The following MTO1 variants were observed in gnomAD, a reference collection of about 807,000 sequenced individuals.
MTO1 encodes 5-taurinomethyluridine-[tRNA] synthase subunit MTO1, mitochondrial.
MTO1 carries 46 observed loss-of-function variants against 71.6 expected under a neutral mutation model. The observed-to-expected ratio is 0.64, with a 90% CI of 0.51 to 0.82. The LOEUF is 0.82. Among genes scored for constraint, MTO1 ranks in the 40% least tolerant of loss-of-function variants. MTO1 has a pLI of 0.00. For synonymous variants in MTO1, 297 were observed against 312.1 expected (o/e 0.95, Z 0.51); for missense variants, 773 against 867.5 (o/e 0.89, Z 1.37).
intron 6 of MTO1, chr6:73,480,359 C>G (rs1213501829): frequency 1.5e-6 from 1 of 675,260 alleles, no homozygotes; most frequent in South Asian, 1.5e-5. Flanking sequence ...CACAACCTCC[C>G]CCTGCCAGGT....
chr6:73,481,880 A>G, intron 7 of MTO1, 160 bp from the exon 8 acceptor site: 2 of 692,170 alleles, frequency 2.9e-6, no homozygotes, highest in South Asian at 1.8e-5. Context: ...CCCATATTCT[A>G]TTTCTGAATA....
intron 3 of MTO1, among the ~76,000 whole-genome samples, chr6:73,472,229 ACTTTCTAT>A (rs983754833): frequency 3.3e-5 from 5 of 152,082 alleles, no homozygotes; most frequent in Admixed American, 2.0e-4. Context: ...TCTTCCAAAC[ACTTTCTAT>A]CTTTCAAAAA....
chr6:73,503,736 A>T lies in MTO1; in HGVS notation c.*3001A>T, dbSNP rs1772219046. ...CAGGAACACCAAAAAATAAGAAATG[A>T]CTAAGAAACACTAAGCATTTGTAAA... On this transcript the variant is annotated 3_prime_UTR_variant, in exon 12 of 12. Transcript: ENST00000498286. 1 of 152,208 alleles carries T rather than the reference A, an allele frequency of 6.6e-6. No homozygotes were observed. The highest frequency in any genetic ancestry group is 2.1e-4 in the South Asian group (1 of 4,830). The allele number at this position is 152,208 out of a possible 1,614,324, so 9.4% of individuals were successfully genotyped here. A position where few individuals can be genotyped will look rare whatever the true frequency, so the allele number is the denominator to read the frequency against.
intron 10 of MTO1, 111 bp from the exon 11 acceptor site, chr6:73,497,625 T>G: frequency 3.5e-5 from 38 of 1,074,444 alleles, no homozygotes; most frequent in East Asian, 4.9e-5. Context: ...GAGTGTTGAA[T>G]GAGATGATGT....
intron 9 of MTO1, among the ~76,000 whole-genome samples, chr6:73,491,532 G>A (rs1204724099): frequency 6.6e-6 from 1 of 152,158 alleles, no homozygotes; most frequent in Non-Finnish European, 1.5e-5. Context: ...GTAAAAGAAA[G>A]CAGGAGATCA....
In MTO1 at chr6:73,508,677, C is replaced by T. The variant is rs917836093; in HGVS notation, c.*7942C>T. ...ATGAGAAATTGAGTTCTAAGAAATG[C>T]ATCCCTAACTTCAACATAAAGATAG... On this transcript the variant is annotated 3_prime_UTR_variant, in exon 12 of 12. Transcript: ENST00000498286. The T allele has an allele frequency of 1.3e-5, 2 of 152,152 alleles. No individual in the cohort carries two copies. The highest frequency in any genetic ancestry group is 4.8e-5 in the African/African-American group (2 of 41,440). The allele number at this position is 152,152 out of a possible 1,614,324, so 9.4% of individuals were successfully genotyped here.
rs770758228 is a variant in MTO1, at chr6:73,466,296, G to A, written c.305G>A (p.Arg102His). The A allele has an allele frequency of 5.0e-6, 8 of 1,614,090 alleles. No individual in the cohort carries two copies. Among genetic ancestry groups the A allele is most frequent in the East Asian group, 2.2e-5 (1 of 44,882 alleles). The change falls in exon 2 of 12, where the codon CGC (arginine) becomes CAC (histidine). Residue 102 changes from arginine to histidine, a missense_variant. Arg to His is a conservative substitution (Grantham distance 29). Transcript: ENST00000498286. ...EVDALDGLCSRICDQSGVHYK... is the reference protein window; with the variant it reads ...EVDALDGLCSHICDQSGVHYK... ...GATGCCTTGGATGGCCTGTGTTCTC[G>A]CATCTGTGACCAGTCTGGTGTACAT... is the stretch of plus-strand genomic sequence containing the variant.
Position 73,479,777 on chromosome 6 carries a change from G to A in MTO1, c.871G>A (p.Val291Met). Reference protein sequence around the residue: ...PCYLTHTNPRVDEIVLKNLHL... With the variant: ...PCYLTHTNPRMDEIVLKNLHL... ...TTACTTGACTCACACCAACCCTAGA[G>A]TGGATGAGATTGTCCTTAAGAACCT... is the stretch of plus-strand genomic sequence containing the variant. The change falls in exon 5 of 12, where the codon GTG becomes ATG. Residue 291 changes from valine (V) to methionine (M), a missense_variant. Coordinates refer to ENST00000498286, the MANE Select transcript of MTO1 (RefSeq NM_012123.4). The A allele has an allele frequency of 6.2e-7, 1 of 1,614,008 alleles. No individual in the cohort carries two copies. Among genetic ancestry groups the A allele is most frequent in the Non-Finnish European group, 8.5e-7 (1 of 1,180,002 alleles).
At chr6:73,498,621 T>C (rs1473685600) in intron 11 of MTO1, among the ~76,000 whole-genome samples, 1 of 152,102 alleles carries the variant, frequency 6.6e-6, no homozygotes, top group African/African-American at 2.4e-5. Flanking sequence ...TTTAATTTAC[T>C]ATATAGTAAT....
intron 9 of MTO1, among the ~76,000 whole-genome samples, chr6:73,491,139 A>G (rs1771790548): frequency 6.6e-6 from 1 of 152,144 alleles, no homozygotes; most frequent in African/African-American, 2.4e-5. Flanking sequence ...TCCTCTCCCA[A>G]GGAAAGGTAA....
At chr6:73,480,295 G>A (rs770256608) in intron 6 of MTO1, 169 bp downstream of exon 6, 11 of 818,804 alleles carry the variant, frequency 1.3e-5, no homozygotes, top group Admixed American at 1.0e-4. Context: ...GTTTTGAGAC[G>A]GAGTTTTGCT....
intron 1 of MTO1, among the ~76,000 whole-genome samples, chr6:73,462,785 T>C (rs1770865344): frequency 6.6e-6 from 1 of 152,144 alleles, no homozygotes; most frequent in Admixed American, 6.6e-5. Context: ...TTCTTGTGTT[T>C]TTATTTAAAA....
intron 9 of MTO1, chr6:73,486,802 G>A (rs916452698): frequency 6.3e-5 from 11 of 174,936 alleles, no homozygotes; most frequent in Non-Finnish European, 1.4e-4. Context: ...GTAACATAAT[G>A]TCCTCACGAC....
rs1010575928 is a variant in MTO1, at chr6:73,503,582, A to G, written c.*2847A>G. On this transcript the variant is annotated 3_prime_UTR_variant, in exon 12 of 12. Coordinates refer to ENST00000498286, the MANE Select transcript of MTO1 (RefSeq NM_012123.4). ...TAACCTTACTCAATGTAGTTACTTCATAGAAATCCCATCACTGACAATAAT... is the reference window on the plus strand; with the variant it reads ...TAACCTTACTCAATGTAGTTACTTCGTAGAAATCCCATCACTGACAATAAT... 2 of 152,266 alleles carry G rather than the reference A, an allele frequency of 1.3e-5. No homozygotes were observed. Among genetic ancestry groups the G allele is most frequent in the Non-Finnish European group, 2.9e-5 (2 of 68,060 alleles). The allele number at this position is 152,266 out of a possible 1,614,324, so 9.4% of individuals were successfully genotyped here. A position where few individuals can be genotyped will look rare whatever the true frequency, so the allele number is the denominator to read the frequency against.
chr6:73,463,435 G>A (rs1582667847), intron 1 of MTO1, among the ~76,000 whole-genome samples: 1 of 152,078 alleles, frequency 6.6e-6, no homozygotes, highest in African/African-American at 2.4e-5. Flanking sequence ...ATGGTTGGAT[G>A]GCCGTTCTGT....
At position 73,473,602 on chromosome 6, in the gene MTO1, C is replaced by T. The variant is rs868497455; in HGVS notation, c.773C>T (p.Pro258Leu). Reference sequence around the variant, plus strand: ...TTCAGTATTCTAAACAAGCATATACCGGACAATCCATCCATACCATTCAGC... The same window carrying T: ...TTCAGTATTCTAAACAAGCATATACTGGACAATCCATCCATACCATTCAGC... ...INFSILNKHIPDNPSIPFSFT... is the reference protein window; with the variant it reads ...INFSILNKHILDNPSIPFSFT... The change falls in exon 4 of 12, where the codon CCG becomes CTG. Residue 258 changes from proline to leucine, a missense_variant. Pro to Leu is a moderately conservative substitution (Grantham distance 98). Transcript: ENST00000498286. The T allele has an allele frequency of 5.0e-6, 8 of 1,613,854 alleles. No individual in the cohort carries two copies. The highest frequency in any genetic ancestry group is 4.5e-5 in the East Asian group (2 of 44,874).
rs910963211 is a variant in MTO1 at position 73,507,952 on chromosome 6, G to A, written c.*7217G>A. ...AGATCGCGCCACTGCACTCTAGCCT[G>A]GGCGACAAAGCGAGACTCTGTCTCA... On this transcript the variant is annotated 3_prime_UTR_variant, in exon 12 of 12. Transcript: ENST00000498286. 7.0e-6 allele frequency: 1 copy of A among 142,426 alleles called. No homozygotes were observed. The highest frequency in any genetic ancestry group is 7.4e-5 in the Admixed American group (1 of 13,596). The allele number at this position is 142,426 out of a possible 1,614,324, so 8.8% of individuals were successfully genotyped here. A position where few individuals can be genotyped will look rare whatever the true frequency, so the allele number is the denominator to read the frequency against.
At chr6:73,494,276 T>A (rs1771920143) in intron 10 of MTO1, among the ~76,000 whole-genome samples, 1 of 152,030 alleles carries the variant, frequency 6.6e-6, no homozygotes, top group South Asian at 2.1e-4. Context: ...AATATTGGCT[T>A]CTGCATTTTG....
In MTO1 at chr6:73,500,595, C is replaced by A. The variant is rs1442366267; in HGVS notation, c.1939C>A (p.Pro647Thr). 6.2e-7 allele frequency: 1 copy of A among 1,613,126 alleles called. No homozygotes were observed. The highest frequency in any genetic ancestry group is 1.3e-5 in the African/African-American group (1 of 74,888). ...TTAGATCGGGGCTGCTAGTCGCATA[C>A]CCGGAGTAACACCTGCCGCCATCAT... Reference protein sequence around the residue: ...PQTIGAASRIPGVTPAAIINL... With the variant: ...PQTIGAASRITGVTPAAIINL... Residue 647 changes from proline (P) to threonine (T), a missense_variant, in exon 12 of 12, where the codon CCC (proline) becomes ACC (threonine). By Grantham distance (38) the Pro-to-Thr change is conservative. Transcript: ENST00000498286.
Sources: allele counts gnomAD v4.1 joint callset (sites outside exome capture counted in the v4.1 genomes callset), GRCh38; gene constraint gnomAD v4.1.1; transcripts MANE v1.5; gene names NCBI Gene and HGNC (gene_info 2026-07-23, HGNC 2026-07-21).